EMP2: variants seen among roughly 807,000 people sequenced by gnomAD.
EMP2 encodes epithelial membrane protein 2.
Under a neutral mutation model 13.7 loss-of-function variants are expected in EMP2, and 19 were observed. That is an observed-to-expected ratio of 1.38 (90% confidence interval 0.97 to 2.03). The LOEUF (loss-of-function observed/expected upper bound fraction) is 2.03, where lower values mean the gene tolerates loss of function less well. EMP2 is among the 30% of genes most tolerant of loss of function. The pLI is 0.00. For missense variants in EMP2, 253 were observed against 220.7 expected (o/e 1.15, Z -0.93); for synonymous variants, 97 against 84.7 (o/e 1.15, Z -0.80).
intron 4 of EMP2, among the ~76,000 whole-genome samples, 167 bp downstream of exon 4, chr16:10,537,761 C>CAT (rs34790340): frequency 1.3e-5 from 1 of 74,556 alleles, no homozygotes; most frequent in African/African-American, 1.5e-4. Context: ...TGCATGCGCC[C>CAT]ACACACACAC....
Position 10,547,550 on chromosome 16 carries a change from G to A in EMP2, c.68C>T (p.Thr23Ile). 1 of 1,614,092 alleles carries A rather than the reference G, an allele frequency of 6.2e-7. No individual in the cohort carries two copies. Among genetic ancestry groups the A allele is most frequent in the Non-Finnish European group, 8.5e-7 (1 of 1,180,012 alleles). ...ITSAALLFIA[T>I]VDNAWWVGDE... ...GGAAAGGAAACTTACATTGTCGACG[G>A]TGGCAATGAACAGCAAGGCTGCAGA... Residue 23 changes from threonine (T) to isoleucine (I), a missense_variant, in exon 2 of 5, where the codon ACC becomes ATC. By Grantham distance (89) the Thr-to-Ile change is moderately conservative (BLOSUM62 -1). Transcript: ENST00000359543.
rs1316466 is a variant in EMP2, at chr16:10,579,130, C to T, written c.-61+1419G>A. Among the ~76,000 whole-genome samples the T allele has an allele frequency of 6.8e-3, 1,035 of 152,294 alleles. 4 individuals are homozygous for T. The highest frequency in any genetic ancestry group is 0.011 in the Non-Finnish European group (741 of 68,036). On this transcript the variant is annotated intron_variant, in intron 1 of 4. Transcript: ENST00000359543. ...CAGGGGTGAGGCTCCCAGGGAGAAA[C>T]GGAGATGGAGGGCGAGCACCAGCCA...
intron 1 of EMP2, among the ~76,000 whole-genome samples, chr16:10,550,266 G>T (rs1360390969): frequency 1.3e-5 from 2 of 152,072 alleles, no homozygotes; most frequent in African/African-American, 4.8e-5. Context: ...CATATCTACA[G>T]TCCATAGTCA....
At chr16:10,573,104 C>T (rs559773222) in intron 1 of EMP2, among the ~76,000 whole-genome samples, 1 of 152,262 alleles carries the variant, frequency 6.6e-6, no homozygotes, top group African/African-American at 2.4e-5. Flanking sequence ...GGCTAGGGTG[C>T]AGTGGCACAA....
chr16:10,578,768 C>T (rs35684241), intron 1 of EMP2, among the ~76,000 whole-genome samples: 3,732 of 152,360 alleles, frequency 0.024, 80 homozygotes, highest in African/African-American at 0.062. Context: ...GACTCCCTGG[C>T]TCCCCATGGG....
In EMP2 at chr16:10,577,650, C is replaced by T. The variant is rs533114193; in HGVS notation, c.-61+2899G>A. ...CTTCTATGATGCCAACTGCCCTCTTCCTTCATTCCAGCTGCTGCTGCCAAT... is the reference window on the plus strand; with the variant it reads ...CTTCTATGATGCCAACTGCCCTCTTTCTTCATTCCAGCTGCTGCTGCCAAT... On this transcript the variant is annotated intron_variant, in intron 1 of 4. Transcript: ENST00000359543. Among the ~76,000 whole-genome samples, 3 of 152,204 alleles carry T rather than the reference C, an allele frequency of 2.0e-5. No individual in the cohort carries two copies. In the East Asian group the frequency reaches 5.8e-4, roughly 29 times the overall value.
rs761837614 is a variant in EMP2 at position 10,575,237 on chromosome 16, C to CTTTTTTTTTTTTTTTTTTTTTTT, written c.-61+5289_-61+5311dup. ...TGGCCTTGGTCCTGGAGCTTGCATT[C>CTTTTTTTTTTTTTTTTTTTTTTT]TTTTTTTTTTTTTTTTTTTTTTTTT... On this transcript the variant is annotated intron_variant, in intron 1 of 4. Coordinates refer to ENST00000359543, the MANE Select transcript of EMP2 (RefSeq NM_001424.6). 6.5e-4 allele frequency among the ~76,000 whole-genome samples: 34 copies of CTTTTTTTTTTTTTTTTTTTTTTT among 52,484 alleles called. 7 individuals are homozygous for CTTTTTTTTTTTTTTTTTTTTTTT. The highest frequency in any genetic ancestry group is 2.5e-3 in the Admixed American group (7 of 2,752). The allele number at this position is 52,484 out of a possible 152,430, so 34.4% of individuals were successfully genotyped here. A position where few individuals can be genotyped will look rare whatever the true frequency, so the allele number is the denominator to read the frequency against.
chr16:10,542,448 C>A (rs1382412109), intron 3 of EMP2, among the ~76,000 whole-genome samples: 1 of 151,838 alleles, frequency 6.6e-6, no homozygotes, highest in Non-Finnish European at 1.5e-5. Flanking sequence ...CCCTCCCCCC[C>A]CACCAACAAA....
intron 1 of EMP2, among the ~76,000 whole-genome samples, chr16:10,578,728 G>C (rs2051001668): frequency 6.6e-6 from 1 of 152,224 alleles, no homozygotes; most frequent in South Asian, 2.1e-4. Context: ...GAGGCTCCAG[G>C]CTATGTGGCC....
intron 1 of EMP2, among the ~76,000 whole-genome samples, chr16:10,572,688 G>C (rs571562139): frequency 6.6e-6 from 1 of 152,320 alleles, no homozygotes; most frequent in African/African-American, 2.4e-5. Context: ...CTGGGAGTTA[G>C]TTTCCAAATA....
intron 1 of EMP2, among the ~76,000 whole-genome samples, chr16:10,568,810 G>A (rs118020208): frequency 0.066 from 7,872 of 119,822 alleles, 341 homozygotes; most frequent in Middle Eastern, 0.14. Context: ...TTTTGAGATG[G>A]AATTTCACTC....
At chr16:10,570,091 C>G (rs1378878579) in intron 1 of EMP2, among the ~76,000 whole-genome samples, 1 of 152,182 alleles carries the variant, frequency 6.6e-6, no homozygotes, top group African/African-American at 2.4e-5. Flanking sequence ...CCCTGGTGAA[C>G]TATCAGATAG....
chr16:10,541,290 T>A (rs1158467459), intron 3 of EMP2, among the ~76,000 whole-genome samples: 1 of 152,076 alleles, frequency 6.6e-6, no homozygotes, highest in Non-Finnish European at 1.5e-5. Context: ...AAAAGTAAAC[T>A]TTTTAAAGTA....
rs376528076 is a variant in EMP2, at chr16:10,561,704, G to A, written c.-60-14027C>T. Among the ~76,000 whole-genome samples, 26 of 152,326 alleles carry A rather than the reference G, an allele frequency of 1.7e-4. No individual in the cohort carries two copies. The East Asian group carries it at 1.9e-3, about 11-fold the overall frequency. ...TTGTTTACTTGGATATTACATATCT[G>A]CCTGCTACAGTGTCAGGTGCCTGGC... On this transcript the variant is annotated intron_variant, in intron 1 of 4. Coordinates refer to ENST00000359543, the MANE Select transcript of EMP2 (RefSeq NM_001424.6).
intron 3 of EMP2, among the ~76,000 whole-genome samples, chr16:10,540,450 G>A (rs538909831): frequency 1.3e-5 from 2 of 152,080 alleles, no homozygotes; most frequent in African/African-American, 4.8e-5. Flanking sequence ...GGACTGCAGC[G>A]AGCAGAGATT....
rs143526315 is a variant in EMP2, at chr16:10,531,945, G to C, written c.*960C>G. ...GGTGTCTATGAGTTCACATGGCTCA[G>C]GAATGGAGTTTTGGGGCCCTAGATG... On this transcript the variant is annotated 3_prime_UTR_variant, in exon 5 of 5. Transcript: ENST00000359543. The C allele has an allele frequency of 2.2e-3, 334 of 154,900 alleles. 1 individual carries two copies. The highest frequency in any genetic ancestry group is 3.5e-3 in the Non-Finnish European group (239 of 68,226). 9.6% of individuals were successfully genotyped at this position (154,900 alleles called of 1,614,324 possible).
Position 10,534,565 on chromosome 16 carries a change from A to C in EMP2, c.317-1473T>G, listed in dbSNP as rs187252700. Among the ~76,000 whole-genome samples the C allele has an allele frequency of 6.1e-4, 93 of 152,286 alleles. 1 individual carries two copies. In the East Asian group the frequency reaches 0.014, roughly 23 times the overall value. On this transcript the variant is annotated intron_variant, in intron 4 of 4. Coordinates refer to ENST00000359543, the MANE Select transcript of EMP2 (RefSeq NM_001424.6). ...CAGATCACTTGCACCCAGGAGCTCG[A>C]GACCAGCCTGGCCAACATAGCAAAA...
intron 4 of EMP2, among the ~76,000 whole-genome samples, chr16:10,534,142 GA>G (rs1411093646): frequency 6.6e-6 from 1 of 152,030 alleles, no homozygotes; most frequent in Non-Finnish European, 1.5e-5. Flanking sequence ...ATGACTGCCT[GA>G]AAAGAGAGCG....
rs2050718834 is a variant in EMP2, at chr16:10,543,717, A to C, written c.79-57T>G. ...CCGTCCGTTCATGATGCAAACACTG[A>C]CTGCTAATTAGGCACGAGGCATGGT... is the stretch of plus-strand genomic sequence containing the variant. On this transcript the variant is annotated intron_variant, in intron 2 of 4. Transcript: ENST00000359543. The C allele has an allele frequency of 2.6e-6, 4 of 1,550,330 alleles. No homozygotes were observed. The South Asian group carries it at 3.3e-5, about 13-fold the overall frequency.
Sources: allele counts gnomAD v4.1 joint callset (sites outside exome capture counted in the v4.1 genomes callset), GRCh38; gene constraint gnomAD v4.1.1; transcripts MANE v1.5; gene names NCBI Gene and HGNC (gene_info 2026-07-23, HGNC 2026-07-21).